The following ELMOD1 variants were observed in gnomAD, a reference collection of about 807,000 sequenced individuals.
The protein encoded by ELMOD1 is ELMO domain containing 1.
In ELMOD1, 21 loss-of-function variants were observed where a neutral mutation model predicts 46.7. The ratio of observed to expected loss-of-function variants is 0.45; its 90% CI spans 0.32 to 0.65. The LOEUF (loss-of-function observed/expected upper bound fraction) is 0.65. Ranked by LOEUF, ELMOD1 falls within the 30% of genes least tolerant of loss-of-function variation. ELMOD1 has a pLI of 0.04. For synonymous variants in ELMOD1, 122 were observed against 138.2 expected (o/e 0.88, Z 0.82); for missense variants, 348 against 407.8 (o/e 0.85, Z 1.26).
At chr11:107,606,597 G>T (rs895391509) in intron 1 of ELMOD1, among the ~76,000 whole-genome samples, 11 of 152,206 alleles carry the variant, frequency 7.2e-5, no homozygotes, top group Admixed American at 2.0e-4. Flanking sequence ...CATTTTGGGA[G>T]GCCAAAGCGG....
chr11:107,625,004 G>A (rs1866017165), intron 2 of ELMOD1, among the ~76,000 whole-genome samples: 1 of 152,152 alleles, frequency 6.6e-6, no homozygotes, highest in African/African-American at 2.4e-5. Context: ...CTGGGCGTGG[G>A]ATCTTGGAAC....
At chr11:107,656,153 C>T (rs1866627609) in intron 11 of ELMOD1, 87 bp downstream of exon 11, 2 of 1,401,972 alleles carry the variant, frequency 1.4e-6, no homozygotes, top group Non-Finnish European at 1.9e-6. Context: ...TTTGGGAGGC[C>T]AAGGCGAGTG....
In ELMOD1 at chr11:107,665,041, A is replaced by G. The variant is rs199731583; in HGVS notation, c.849A>G (p.Glu283=). ...FQQTFCYLMH[E]FHKFWIEEDP... Reference sequence around the variant, plus strand: ...CTCCAACAGGCTATTTGATGCATGAATTTCATAAGTTTTGGATCGAAGAGG... The same window carrying G: ...CTCCAACAGGCTATTTGATGCATGAGTTTCATAAGTTTTGGATCGAAGAGG... Residue 283 remains glutamate, a synonymous_variant, in exon 12 of 12, where the codon GAA becomes GAG. Transcript: ENST00000265840. 3.1e-6 allele frequency: 5 copies of G among 1,613,080 alleles called. No individual in the cohort carries two copies. The highest frequency in any genetic ancestry group is 1.7e-5 in the Admixed American group (1 of 59,886).
At chr11:107,644,160 G>A (rs1321520624) in intron 6 of ELMOD1, among the ~76,000 whole-genome samples, 1 of 151,938 alleles carries the variant, frequency 6.6e-6, no homozygotes, top group Non-Finnish European at 1.5e-5. Context: ...GCTGGGCATG[G>A]TGGTACACAC....
At chr11:107,645,212 C>T (rs1866406810) in intron 6 of ELMOD1, among the ~76,000 whole-genome samples, 1 of 151,768 alleles carries the variant, frequency 6.6e-6, no homozygotes, top group African/African-American at 2.4e-5. Context: ...GCTAGGATCA[C>T]AGGCGTGAGC....
At chr11:107,643,843 A>G in intron 6 of ELMOD1, 1 of 287,378 alleles carries the variant, frequency 3.5e-6, no homozygotes, top group South Asian at 4.1e-5. Context: ...GGTCCACCTC[A>G]GCATTGCCAT....
At chr11:107,609,885 C>A (rs1160852935) in intron 1 of ELMOD1, among the ~76,000 whole-genome samples, 2 of 151,992 alleles carry the variant, frequency 1.3e-5, no homozygotes, top group Non-Finnish European at 2.9e-5. Context: ...GGTTAGTAAA[C>A]CCAGGATTAT....
intron 9 of ELMOD1, 65 bp from the exon 10 acceptor site, chr11:107,654,107 A>G: frequency 7.3e-7 from 1 of 1,360,746 alleles, no homozygotes; most frequent in Non-Finnish European, 1.0e-6. Flanking sequence ...CATAAGCATT[A>G]AAAGAGAACA....
chr11:107,630,592 G>A, intron 3 of ELMOD1, 30 bp downstream of exon 3: 1 of 1,606,724 alleles, frequency 6.2e-7, no homozygotes, highest in Non-Finnish European at 8.5e-7. Flanking sequence ...GTAAGCAAAA[G>A]GTAGAGTTGG....
intron 9 of ELMOD1, chr11:107,653,357 GAGAA>G (rs1866559329): frequency 6.8e-6 from 1 of 147,286 alleles, no homozygotes; most frequent in Admixed American, 6.8e-5. Context: ...GAGAGAGAGA[GAGAA>G]AGCATTTTCA....
At chr11:107,599,751 AGAAAAAAAGAAAAG>A (rs1865561262) in intron 1 of ELMOD1, among the ~76,000 whole-genome samples, 1 of 141,326 alleles carries the variant, frequency 7.1e-6, no homozygotes, top group African/African-American at 2.8e-5. Context: ...AAAAAAAAAA[AGAAAAAAAGAAAAG>A]AAAAAAAAAA....
rs190208300 is a variant in ELMOD1 at position 107,646,074 on chromosome 11, A to G, written c.421-1394A>G. On this transcript the variant is annotated intron_variant, in intron 6 of 11. Transcript: ENST00000265840. Reference sequence around the variant, plus strand: ...CATTTGTGTTTATACCCTGTCGGTAATGAAGATAGAAGTCTAAATAGTAAA... The same window carrying G: ...CATTTGTGTTTATACCCTGTCGGTAGTGAAGATAGAAGTCTAAATAGTAAA... 2.6e-5 allele frequency among the ~76,000 whole-genome samples: 4 copies of G among 152,308 alleles called. No individual in the cohort carries two copies. In the East Asian group the frequency reaches 7.7e-4, roughly 29 times the overall value.
intron 2 of ELMOD1, chr11:107,623,858 G>A (rs1865997357): frequency 6.6e-6 from 1 of 151,896 alleles, no homozygotes. Flanking sequence ...TGTACTGCAC[G>A]GTCAGTCTTA....
chr11:107,610,998 C>CAAAAAAAAAAAAAAAAAAAAA (rs58417281), intron 1 of ELMOD1, among the ~76,000 whole-genome samples: 6 of 95,766 alleles, frequency 6.3e-5, no homozygotes, highest in South Asian at 3.7e-4. Context: ...TGTAAGAATC[C>CAAAAAAAAAAAAAAAAAAAAA]AAAAAAAAAA....
intron 11 of ELMOD1, among the ~76,000 whole-genome samples, chr11:107,662,502 C>T (rs1866757764): frequency 7.6e-6 from 1 of 131,838 alleles, no homozygotes; most frequent in Non-Finnish European, 1.5e-5. Flanking sequence ...CCCAGCTACT[C>T]AGGAGGCTGA....
intron 5 of ELMOD1, among the ~76,000 whole-genome samples, chr11:107,633,693 A>G (rs1345428509): frequency 2.6e-5 from 4 of 152,132 alleles, no homozygotes; most frequent in African/African-American, 9.7e-5. Context: ...TGCCTCCCAA[A>G]GTGCTGAGAT....
intron 2 of ELMOD1, among the ~76,000 whole-genome samples, chr11:107,620,786 C>T (rs1378282017): frequency 6.6e-6 from 1 of 152,178 alleles, no homozygotes; most frequent in Non-Finnish European, 1.5e-5. Context: ...ATCGCTTGAA[C>T]CAGGGAGTCA....
chr11:107,625,807 C>T (rs1215320808), intron 2 of ELMOD1, among the ~76,000 whole-genome samples: 1 of 152,158 alleles, frequency 6.6e-6, no homozygotes, highest in East Asian at 1.9e-4. Flanking sequence ...AAACATCACT[C>T]TGCAGCATAT....
intron 6 of ELMOD1, among the ~76,000 whole-genome samples, chr11:107,641,536 A>G (rs1291572701): frequency 1.3e-5 from 2 of 152,172 alleles, no homozygotes; most frequent in Non-Finnish European, 2.9e-5. Context: ...GTCTGGTGAA[A>G]GCTTTTCAGC....
Sources: allele counts gnomAD v4.1 joint callset (sites outside exome capture counted in the v4.1 genomes callset), GRCh38; gene constraint gnomAD v4.1.1; transcripts MANE v1.5; gene names NCBI Gene and HGNC (gene_info 2026-07-23, HGNC 2026-07-21).